Variants in RABGAP1L observed in about 807,000 individuals in gnomAD.
RABGAP1L encodes the protein RAB GTPase activating protein 1 like.
Under a neutral mutation model 137.7 loss-of-function variants are expected in RABGAP1L, and 63 were observed. That is an observed-to-expected ratio of 0.46 (90% confidence interval 0.37 to 0.56). RABGAP1L has a LOEUF of 0.56. Among genes scored for constraint, RABGAP1L ranks in the 20% least tolerant of loss-of-function variants. RABGAP1L has a pLI of 0.00. For synonymous variants in RABGAP1L, 431 were observed against 433.7 expected, an observed-to-expected ratio of 0.99 and a Z score of 0.08; for missense variants, 1,095 against 1,244.0, an observed-to-expected ratio of 0.88 and a Z score of 1.80.
At chr1:174,801,583 T>G (rs1688761191) in intron 18 of RABGAP1L, among the ~76,000 whole-genome samples, 1 of 152,204 alleles carries the variant, frequency 6.6e-6, no homozygotes, top group Non-Finnish European at 1.5e-5. Flanking sequence ...CAAAACAAAG[T>G]TTGATGCAGT....
chr1:174,548,326 T>C, intron 13 of RABGAP1L: 1 of 1,191,386 alleles, frequency 8.4e-7, no homozygotes, highest in Non-Finnish European at 1.1e-6. Context: ...TGTAAAATGA[T>C]AGTTTTTGTT....
At chr1:174,212,472 A>G (rs1026188213) in intron 1 of RABGAP1L, among the ~76,000 whole-genome samples, 3 of 152,112 alleles carry the variant, frequency 2.0e-5, no homozygotes, top group Admixed American at 6.5e-5. Context: ...TAAGGAGGAA[A>G]TTGAAAAATT....
chr1:174,359,964 A>G (rs1428933884), intron 11 of RABGAP1L, among the ~76,000 whole-genome samples: 1 of 152,208 alleles, frequency 6.6e-6, no homozygotes, highest in Non-Finnish European at 1.5e-5. Flanking sequence ...CTGTTTTTCC[A>G]TCCAACTGTT....
At position 174,422,945 on chromosome 1, in the gene RABGAP1L, CAAAAA is replaced by C. The variant is rs202100563; in HGVS notation, c.1710+28818_1710+28822del. Among the ~76,000 whole-genome samples, 83 of 79,662 alleles carry C rather than the reference CAAAAA, an allele frequency of 1.0e-3. 1 individual carries two copies. The Middle Eastern group carries it at 0.025, about 24-fold the overall frequency. The allele number at this position is 79,662 out of a possible 152,430, so 52.3% of individuals were successfully genotyped here. A position where few individuals can be genotyped will look rare whatever the true frequency, so the allele number is the denominator to read the frequency against. On this transcript the variant is annotated intron_variant, in intron 13 of 25. Coordinates refer to ENST00000681986, the MANE Select transcript of RABGAP1L (RefSeq NM_001366446.1). ...CTGGGTGATAGAGTGAGATTCTGTCCAAAAAAAAAAAAAAAAAAAAAATTTTTTTT... is the reference window on the plus strand; with the variant it reads ...CTGGGTGATAGAGTGAGATTCTGTCCAAAAAAAAAAAAAAAAATTTTTTTT...
chr1:174,746,253 A>C (rs1683858624), intron 17 of RABGAP1L, among the ~76,000 whole-genome samples: 1 of 152,186 alleles, frequency 6.6e-6, no homozygotes, highest in Non-Finnish European at 1.5e-5. Flanking sequence ...GCAATTATTC[A>C]ATTTGGGGCA....
chr1:174,308,916 A>T (rs181933549), intron 11 of RABGAP1L, among the ~76,000 whole-genome samples: 1 of 151,886 alleles, frequency 6.6e-6, no homozygotes, highest in African/African-American at 2.4e-5. Context: ...GAAGAATGTC[A>T]TTGGAATTTT....
At chr1:174,760,384 G>T (rs1285500963) in intron 18 of RABGAP1L, among the ~76,000 whole-genome samples, 1 of 152,124 alleles carries the variant, frequency 6.6e-6, no homozygotes, top group Middle Eastern at 3.2e-3. Flanking sequence ...GTGTCCACGT[G>T]TACTCAATGT....
At chr1:174,533,296 C>T (rs991236776) in intron 13 of RABGAP1L, among the ~76,000 whole-genome samples, 11 of 152,194 alleles carry the variant, frequency 7.2e-5, no homozygotes, top group Admixed American at 6.5e-4. Context: ...GGTACCATCG[C>T]TCTTCGTCTT....
At chr1:174,597,946 G>GTTTT (rs1449297504) in intron 13 of RABGAP1L, among the ~76,000 whole-genome samples, 1 of 152,072 alleles carries the variant, frequency 6.6e-6, no homozygotes, top group African/African-American at 2.4e-5. Flanking sequence ...ATTTCTATGT[G>GTTTT]TTTGTATAGT....
At chr1:174,612,823 G>C (rs1671396453) in intron 13 of RABGAP1L, among the ~76,000 whole-genome samples, 2 of 152,162 alleles carry the variant, frequency 1.3e-5, no homozygotes, top group Non-Finnish European at 2.9e-5. Context: ...ATTTCTTCTA[G>C]ATTTTCTAGT....
rs191314405 is a variant in RABGAP1L, at chr1:174,192,413, A to C, written c.-33-26712A>C. On this transcript the variant is annotated intron_variant, in intron 1 of 25. Transcript: ENST00000681986. Reference sequence around the variant, plus strand: ...ATCTTGGCTCACTGCACCTTCACCTACCAGGTTCAAGTGATTCTTGTGCCT... The same window carrying C: ...ATCTTGGCTCACTGCACCTTCACCTCCCAGGTTCAAGTGATTCTTGTGCCT... Among the ~76,000 whole-genome samples, 425 of 146,394 alleles carry C rather than the reference A, an allele frequency of 2.9e-3. 5 individuals are homozygous for C. The highest frequency in any genetic ancestry group is 0.01 in the African/African-American group (408 of 39,134).
At position 174,699,697 on chromosome 1, in the gene RABGAP1L, A is replaced by G. The variant is rs745752982; in HGVS notation, c.2025+47A>G. 6 of 1,524,506 alleles carry G rather than the reference A, an allele frequency of 3.9e-6. No individual in the cohort carries two copies. In the African/African-American group the frequency reaches 7.0e-5, roughly 18 times the overall value. 94.4% of individuals were successfully genotyped at this position (1,524,506 alleles called of 1,614,324 possible). A position where few individuals can be genotyped will look rare whatever the true frequency, so the allele number is the denominator to read the frequency against. ...TTATCACTCAGGGATTTGTTGAGTC[A>G]TAGAAAAAGCCTAATAGAGTTGGTA... On this transcript the variant is annotated intron_variant, in intron 16 of 25. Coordinates refer to ENST00000681986, the MANE Select transcript of RABGAP1L (RefSeq NM_001366446.1).
chr1:174,791,383 A>G (rs915421337), intron 18 of RABGAP1L, among the ~76,000 whole-genome samples: 1 of 152,180 alleles, frequency 6.6e-6, no homozygotes, highest in Non-Finnish European at 1.5e-5. Context: ...AGAGATTGCA[A>G]ATTTAATAGG....
chr1:174,676,855 C>T (rs1206249152), intron 14 of RABGAP1L, among the ~76,000 whole-genome samples: 1 of 151,944 alleles, frequency 6.6e-6, no homozygotes, highest in Non-Finnish European at 1.5e-5. Context: ...CTTCCTCTTT[C>T]CTCTCATAAT....
intron 13 of RABGAP1L, among the ~76,000 whole-genome samples, chr1:174,489,505 C>T (rs1037393439): frequency 1.8e-4 from 27 of 151,720 alleles, no homozygotes; most frequent in Admixed American, 1.7e-3. Context: ...GTTAGAATGG[C>T]GATCATTAAA....
chr1:174,548,739 T>C (rs907920675), intron 13 of RABGAP1L, among the ~76,000 whole-genome samples: 4 of 152,172 alleles, frequency 2.6e-5, no homozygotes, highest in Non-Finnish European at 5.9e-5. Context: ...CTTACCACTT[T>C]CCTGATTTTT....
Position 174,619,288 on chromosome 1 carries a change from A to G in RABGAP1L, c.1711-18087A>G, listed in dbSNP as rs552062415. Among the ~76,000 whole-genome samples the G allele has an allele frequency of 4.1e-3, 622 of 152,300 alleles. 3 individuals carry two copies. Among genetic ancestry groups the G allele is most frequent in the Non-Finnish European group, 6.3e-3 (428 of 68,022 alleles). On this transcript the variant is annotated intron_variant, in intron 13 of 25. Transcript: ENST00000681986. ...CATTCAGATTCAGGAAATATAGAGA[A>G]TGCCACAAAGATACTCCTCGAGAAG...
intron 17 of RABGAP1L, among the ~76,000 whole-genome samples, chr1:174,732,843 A>G (rs557609408): frequency 3.9e-5 from 6 of 152,216 alleles, no homozygotes; most frequent in Non-Finnish European, 8.8e-5. Context: ...GAATGGATGC[A>G]CTTCCCAAGA....
chr1:174,621,992 C>T (rs1672524533), intron 13 of RABGAP1L, among the ~76,000 whole-genome samples: 1 of 147,842 alleles, frequency 6.8e-6, no homozygotes, highest in South Asian at 2.1e-4. Flanking sequence ...ACAATGAACT[C>T]TAACAAATCT....
Sources: gnomAD v4.1 joint callset for allele counts (sites outside exome capture counted in the v4.1 genomes callset) on GRCh38, gnomAD v4.1.1 for gene constraint, MANE v1.5 for transcripts, NCBI Gene and HGNC (gene_info 2026-07-23, HGNC 2026-07-21) for gene names.